The following UST variants were observed in gnomAD, a reference collection of about 807,000 sequenced individuals.
UST encodes chondroitin sulfate 2-O-sulfotransferase.
A neutral mutation model predicts 45.6 loss-of-function variants in UST; 21 were observed. The observed-to-expected ratio is 0.46, with a 90% CI of 0.33 to 0.66. The LOEUF is 0.66. UST is among the 30% of genes least tolerant of loss of function. UST has a pLI of 0.02. For synonymous variants in UST, 215 were observed against 200.6 expected, an observed-to-expected ratio of 1.07 and a Z score of -0.61; for missense variants, 463 against 512.4, an observed-to-expected ratio of 0.90 and a Z score of 0.93.
At chr6:148,936,747 G>GTGCAATGGCGCGATCTCAGCTCAC (rs1188277636) in intron 2 of UST, among the ~76,000 whole-genome samples, 1 of 152,008 alleles carries the variant, frequency 6.6e-6, no homozygotes, top group Non-Finnish European at 1.5e-5. Context: ...CCAGGCTGAA[G>GTGCAATGGCGCGATCTCAGCTCAC]TGCAATGGCG....
At chr6:148,974,992 G>A (rs901573869) in intron 5 of UST, among the ~76,000 whole-genome samples, 17 of 152,180 alleles carry the variant, frequency 1.1e-4, no homozygotes, top group African/African-American at 4.1e-4. Context: ...GAAAGAGTCA[G>A]CAGATGTATA....
At chr6:148,935,181 CT>C (rs2114915420) in intron 2 of UST, among the ~76,000 whole-genome samples, 1 of 152,334 alleles carries the variant, frequency 6.6e-6, no homozygotes, top group Admixed American at 6.5e-5. Context: ...CCACACAGGC[CT>C]GTCAGGCTCT....
chr6:148,880,902 G>T (rs931192714), intron 1 of UST, among the ~76,000 whole-genome samples: 1 of 152,094 alleles, frequency 6.6e-6, no homozygotes, highest in South Asian at 2.1e-4. Context: ...GGTGGTGGGC[G>T]CCTGTAATCC....
At chr6:148,912,550 T>C (rs1279264183) in intron 2 of UST, among the ~76,000 whole-genome samples, 2 of 152,250 alleles carry the variant, frequency 1.3e-5, no homozygotes, top group Non-Finnish European at 2.9e-5. Context: ...GCAACTCTTA[T>C]CTACATTGCT....
rs554396326 is a variant in UST at position 148,945,213 on chromosome 6, C to T, written c.447+3779C>T. On this transcript the variant is annotated intron_variant, in intron 3 of 7. Transcript: ENST00000367463. Reference sequence around the variant, plus strand: ...TGAACTTTTTGGACCTAAAAATATACTACTGAGTGGGTATGATTCCCTGTT... The same window carrying T: ...TGAACTTTTTGGACCTAAAAATATATTACTGAGTGGGTATGATTCCCTGTT... 5.3e-4 allele frequency among the ~76,000 whole-genome samples: 81 copies of T among 152,318 alleles called. 1 individual carries two copies. The South Asian group carries it at 0.016, about 31-fold the overall frequency.
In UST at chr6:148,747,571, C is replaced by T. The variant is rs1330318178; in HGVS notation, c.141C>T (p.Asp47=). Residue 47 remains aspartate (D), a synonymous_variant, in exon 1 of 8, where the codon GAC becomes GAT. Coordinates refer to ENST00000367463, the MANE Select transcript of UST (RefSeq NM_005715.3). ...LLPFLRFSLR[D]YGFCMATLLV... is the part of the protein sequence containing the mutation. ...CTTTCCTGCGCTTCTCCCTCCGGGA[C>T]TACGGCTTCTGCATGGCCACCCTGC... is the stretch of plus-strand genomic sequence containing the variant. The T allele has an allele frequency of 6.3e-7, 1 of 1,585,576 alleles. No individual in the cohort carries two copies. Among genetic ancestry groups the T allele is most frequent in the East Asian group, 2.3e-5 (1 of 42,782 alleles).
intron 2 of UST, among the ~76,000 whole-genome samples, chr6:148,897,429 C>T (rs984159309): frequency 4.6e-5 from 7 of 152,012 alleles, no homozygotes; most frequent in Admixed American, 6.5e-5. Context: ...ACCTGCCTGT[C>T]TTGGCCTCCC....
intron 2 of UST, among the ~76,000 whole-genome samples, chr6:148,902,682 C>T: frequency 6.6e-6 from 1 of 152,072 alleles, no homozygotes; most frequent in East Asian, 1.9e-4. Context: ...CCTGTTTCTT[C>T]CTCTACATTT....
At chr6:148,867,297 C>T (rs1778457645) in intron 1 of UST, among the ~76,000 whole-genome samples, 1 of 131,950 alleles carries the variant, frequency 7.6e-6, no homozygotes, top group Non-Finnish European at 1.5e-5. Context: ...CACACACACA[C>T]ACACACACAC....
chr6:149,019,041 C>A, intron 5 of UST, 98 bp from the exon 6 acceptor site: 1 of 932,104 alleles, frequency 1.1e-6, no homozygotes, highest in Admixed American at 1.8e-5. Context: ...CAAGGCGTGC[C>A]TGTGTAATTC....
At chr6:148,897,797 G>T (rs946862884) in intron 2 of UST, among the ~76,000 whole-genome samples, 4 of 152,116 alleles carry the variant, frequency 2.6e-5, no homozygotes, top group African/African-American at 4.8e-5. Flanking sequence ...GGCTTCTTTG[G>T]ATTTTTAAAA....
chr6:148,789,601 G>A (rs1236691959), intron 1 of UST, among the ~76,000 whole-genome samples: 1 of 152,088 alleles, frequency 6.6e-6, no homozygotes, highest in Non-Finnish European at 1.5e-5. Flanking sequence ...CCAGGCTGGA[G>A]TGCAGTGATG....
intron 1 of UST, among the ~76,000 whole-genome samples, chr6:148,819,554 CT>C (rs1189153656): frequency 6.6e-6 from 1 of 152,222 alleles, no homozygotes; most frequent in Admixed American, 6.5e-5. Context: ...GACTTTGTAA[CT>C]TTTCTGATGA....
chr6:148,980,344 A>G (rs948085276), intron 5 of UST, among the ~76,000 whole-genome samples: 8 of 152,146 alleles, frequency 5.3e-5, no homozygotes, highest in Non-Finnish European at 1.2e-4. Context: ...GCTGCTGCCA[A>G]CACCACAGTC....
intron 1 of UST, among the ~76,000 whole-genome samples, chr6:148,782,008 T>G (rs1192972079): frequency 6.6e-6 from 1 of 152,244 alleles, no homozygotes; most frequent in Non-Finnish European, 1.5e-5. Flanking sequence ...GTTTTAATGC[T>G]TGCTAGCACA....
intron 7 of UST, among the ~76,000 whole-genome samples, chr6:149,060,947 TG>T (rs1198372467): frequency 3.3e-5 from 5 of 152,182 alleles, no homozygotes. Context: ...AGTATTTGTT[TG>T]GTGCACATAA....
At chr6:148,863,228 T>A (rs1562280693) in intron 1 of UST, among the ~76,000 whole-genome samples, 1 of 152,214 alleles carries the variant, frequency 6.6e-6, no homozygotes, top group African/African-American at 2.4e-5. Context: ...ACTTCTCTTC[T>A]TGCTTCTTTT....
At chr6:148,901,372 G>A (rs1442737708) in intron 2 of UST, among the ~76,000 whole-genome samples, 5 of 152,086 alleles carry the variant, frequency 3.3e-5, no homozygotes, top group Non-Finnish European at 5.9e-5. Flanking sequence ...TTGCACATTC[G>A]AGTTTATTTC....
intron 5 of UST, among the ~76,000 whole-genome samples, chr6:148,985,261 C>T (rs532229638): frequency 7.2e-5 from 11 of 152,152 alleles, no homozygotes; most frequent in Admixed American, 2.0e-4. Context: ...ATGTCTGGAA[C>T]AATGTTGGTG....
Sources: gnomAD v4.1 joint callset for allele counts (sites outside exome capture counted in the v4.1 genomes callset) on GRCh38, gnomAD v4.1.1 for gene constraint, MANE v1.5 for transcripts, NCBI Gene and HGNC (gene_info 2026-07-23, HGNC 2026-07-21) for gene names.